BLM: variants seen among roughly 807,000 people sequenced by gnomAD.
BLM encodes BLM RecQ like helicase, also known as recQ-like DNA helicase BLM.
Under a neutral mutation model 135.3 loss-of-function variants are expected in BLM, and 95 were observed. The observed-to-expected ratio is 0.70, with a 90% confidence interval of 0.59 to 0.83. The LOEUF (loss-of-function observed/expected upper bound fraction) is 0.83, where lower values mean the gene tolerates loss of function less well. BLM is among the 40% of genes least tolerant of loss of function. The pLI, the probability that BLM is intolerant of heterozygous loss-of-function variation, is 0.00. For missense variants in BLM, 1,518 were observed against 1,663.9 expected (o/e 0.91, Z 1.53); for synonymous variants, 520 against 589.2 (o/e 0.88, Z 1.70).
At chr15:90,743,071 C>G (rs1190681652) in intron 1 of BLM, among the ~76,000 whole-genome samples, 1 of 149,994 alleles carries the variant, frequency 6.7e-6, no homozygotes, top group Non-Finnish European at 1.5e-5. Flanking sequence ...GAATTGCTCA[C>G]TGCAGCCTCG....
At chr15:90,798,651 G>A (rs945450979) in intron 17 of BLM, among the ~76,000 whole-genome samples, 1 of 149,082 alleles carries the variant, frequency 6.7e-6, no homozygotes, top group Non-Finnish European at 1.5e-5. Context: ...ACAGCATAGA[G>A]AATAGGAGAG....
chr15:90,767,914 A>G (rs185591233), intron 10 of BLM, among the ~76,000 whole-genome samples: 45 of 151,896 alleles, frequency 3.0e-4, no homozygotes, highest in African/African-American at 1.1e-3. Flanking sequence ...GTGTTTTGCC[A>G]TAAGGAAGAG....
chr15:90,737,675 AG>A (rs1895254189), intron 1 of BLM, among the ~76,000 whole-genome samples: 1 of 152,244 alleles, frequency 6.6e-6, no homozygotes, highest in South Asian at 2.1e-4. Flanking sequence ...CAGTGAAAGC[AG>A]TACTAGAAAG....
At chr15:90,753,399 CTT>C (rs995599332) in intron 4 of BLM, among the ~76,000 whole-genome samples, 19 of 152,102 alleles carry the variant, frequency 1.2e-4, no homozygotes, top group Non-Finnish European at 1.3e-4. Context: ...CTTTATTTCT[CTT>C]AGCATTATTT....
At chr15:90,772,194 G>A (rs1896338907) in intron 12 of BLM, among the ~76,000 whole-genome samples, 1 of 152,148 alleles carries the variant, frequency 6.6e-6, no homozygotes, top group African/African-American at 2.4e-5. Flanking sequence ...TTGCTCAACT[G>A]CTGCTATGTC....
Position 90,809,254 on chromosome 15 carries a change from C to A in BLM, c.3869C>A (p.Ser1290Ter). The A allele has an allele frequency of 6.2e-7, 1 of 1,614,150 alleles. No homozygotes were observed. The highest frequency in any genetic ancestry group is 2.2e-5 in the East Asian group (1 of 44,892). Residue 1290 changes from serine to a stop codon, truncating the protein, a stop_gained, in exon 20 of 22, where the codon TCG (serine) becomes TAG (stop). Coordinates refer to ENST00000355112, the MANE Select transcript of BLM (RefSeq NM_000057.4). LOFTEE classifies it high-confidence loss of function. ...TTACAGAAATACTCTGAATGGACAT[C>A]GCCAGGTTAGTACACAGCCATGTGT... ...SVLQKYSEWT[S>*]PAEDSSPGIS... is the part of the protein sequence containing the mutation.
intron 15 of BLM, among the ~76,000 whole-genome samples, chr15:90,791,468 T>C (rs1896903746): frequency 6.6e-6 from 1 of 152,208 alleles, no homozygotes; most frequent in Non-Finnish European, 1.5e-5. Flanking sequence ...ATCATTCCAA[T>C]GAATACATAC....
intron 1 of BLM, among the ~76,000 whole-genome samples, chr15:90,734,696 C>CAGAGAGAGAG (rs60051515): frequency 2.7e-5 from 4 of 146,208 alleles, no homozygotes; most frequent in Admixed American, 1.4e-4. Context: ...CACACACACG[C>CAGAGAGAGAG]AGAGAGAGAG....
At chr15:90,781,055 A>G (rs1639517474) in intron 12 of BLM, among the ~76,000 whole-genome samples, 1 of 152,218 alleles carries the variant, frequency 6.6e-6, no homozygotes, top group African/African-American at 2.4e-5. Flanking sequence ...TGAAAAGACA[A>G]GAGAGGAGAT....
chr15:90,792,041 G>A (rs1207970338), intron 15 of BLM, among the ~76,000 whole-genome samples: 1 of 150,522 alleles, frequency 6.6e-6, no homozygotes, highest in East Asian at 1.9e-4. Flanking sequence ...GGTTGTGAGA[G>A]TTAAATATAT....
chr15:90,808,220 C>A (rs1897324727), intron 19 of BLM, among the ~76,000 whole-genome samples: 1 of 152,198 alleles, frequency 6.6e-6, no homozygotes, highest in Admixed American at 6.5e-5. Flanking sequence ...TTTCATTAAA[C>A]CCCCTTCATA....
chr15:90,808,945 G>T, intron 19 of BLM, 192 bp from the exon 20 acceptor site: 2 of 699,736 alleles, frequency 2.9e-6, no homozygotes. Flanking sequence ...TTGGATGGTG[G>T]GTTCCTGCCC....
chr15:90,768,633 AC>A (rs1481102644), intron 10 of BLM, among the ~76,000 whole-genome samples: 5 of 152,248 alleles, frequency 3.3e-5, no homozygotes, highest in Non-Finnish European at 5.9e-5. Flanking sequence ...ATGTTGGTGA[AC>A]ATTCTAAAAT....
At chr15:90,750,579 A>G (rs28745026) in intron 3 of BLM, among the ~76,000 whole-genome samples, 3,078 of 152,210 alleles carry the variant, frequency 0.02, 53 homozygotes, top group Non-Finnish European at 0.03. Context: ...GAATTAATTT[A>G]TTTCTGGGAT....
rs74317349 is a variant in BLM at position 90,738,242 on chromosome 15, G to T, written c.-4-9147G>T. Among the ~76,000 whole-genome samples the T allele has an allele frequency of 3.3e-4, 51 of 152,274 alleles. No homozygotes were observed. The East Asian group carries it at 8.1e-3, about 24-fold the overall frequency. ...TAACCAATATTTAAAGAAGAATTAA[G>T]TCCAATTTTCCTCAAGCTCTTCCAA... On this transcript the variant is annotated intron_variant, in intron 1 of 21. Transcript: ENST00000355112.
chr15:90,810,233 T>A (rs1897379756), intron 20 of BLM, among the ~76,000 whole-genome samples: 1 of 152,020 alleles, frequency 6.6e-6, no homozygotes, highest in Non-Finnish European at 1.5e-5. Flanking sequence ...TTGTATTTTT[T>A]TGGTAGAGTT....
At chr15:90,763,223 A>T in intron 8 of BLM, 66 bp downstream of exon 8, 1 of 1,509,566 alleles carries the variant, frequency 6.6e-7, no homozygotes, top group Non-Finnish European at 9.2e-7. Flanking sequence ...GCTCTTTAAT[A>T]GAAATAAAAA....
chr15:90,803,550 A>G lies in BLM; in HGVS notation c.3388A>G (p.Ile1130Val), dbSNP rs1897213239. The G allele has an allele frequency of 6.2e-7, 1 of 1,613,902 alleles. No individual in the cohort carries two copies. The highest frequency in any genetic ancestry group is 8.5e-7 in the Non-Finnish European group (1 of 1,179,816). The change falls in exon 18 of 22, where the codon ATA (isoleucine) becomes GTA (valine). Residue 1130 changes from isoleucine (I) to valine (V), a missense_variant. Physicochemically the swap from Ile to Val is conservative, Grantham distance 29. Coordinates refer to ENST00000355112, the MANE Select transcript of BLM (RefSeq NM_000057.4). ...TAAGAGTGCAAAAATCCAGTCAGGTATATTTGGAAAAGGATCTGCTTATTC... is the reference window on the plus strand; with the variant it reads ...TAAGAGTGCAAAAATCCAGTCAGGTGTATTTGGAAAAGGATCTGCTTATTC... ...GSKSAKIQSG[I>V]FGKGSAYSRH...
rs55678339 is a variant in BLM at position 90,773,511 on chromosome 15, C to CT, written c.2555+3949dup. On this transcript the variant is annotated intron_variant, in intron 12 of 21. Coordinates refer to ENST00000355112, the MANE Select transcript of BLM (RefSeq NM_000057.4). ...CACCTAAAGTTGACACTTCAATGGC[C>CT]TTTTTTTTTTTTTTTTTTTTTTTTA... is the stretch of plus-strand genomic sequence containing the variant. Among the ~76,000 whole-genome samples, 552 of 100,826 alleles carry CT rather than the reference C, an allele frequency of 5.5e-3. 7 individuals carry two copies. The highest frequency in any genetic ancestry group is 8.5e-3 in the African/African-American group (209 of 24,518). The allele number at this position is 100,826 out of a possible 152,430, so 66.1% of individuals were successfully genotyped here.
Sources: gnomAD v4.1 joint callset for allele counts (sites outside exome capture counted in the v4.1 genomes callset) on GRCh38, gnomAD v4.1.1 for gene constraint, MANE v1.5 for transcripts, NCBI Gene and HGNC (gene_info 2026-07-23, HGNC 2026-07-21) for gene names.